Variants in SLC2A13 observed in about 807,000 individuals in gnomAD.
SLC2A13 encodes solute carrier family 2 member 13.
Under a neutral mutation model 64.4 loss-of-function variants are expected in SLC2A13, and 32 were observed. That is an observed-to-expected ratio of 0.50 (90% CI 0.37 to 0.67). The LOEUF is 0.67. Among genes scored for constraint, SLC2A13 ranks in the 30% least tolerant of loss-of-function variants. SLC2A13 has a pLI of 0.00. For synonymous variants in SLC2A13, 338 were observed against 327.1 expected, an observed-to-expected ratio of 1.03 and a Z score of -0.36; for missense variants, 743 against 829.2, an observed-to-expected ratio of 0.90 and a Z score of 1.28.
rs950785584 is a variant in SLC2A13 at position 39,900,163 on chromosome 12, G to T, written c.1035-28202C>A. 1.6e-4 allele frequency among the ~76,000 whole-genome samples: 24 copies of T among 151,758 alleles called. 1 individual carries two copies. The South Asian group carries it at 5.0e-3, about 32-fold the overall frequency. ...CAACCCTTCAGGCTAAAAACTCTCAGTAAATTAGGTATTGATGGGACGTAT... is the reference window on the plus strand; with the variant it reads ...CAACCCTTCAGGCTAAAAACTCTCATTAAATTAGGTATTGATGGGACGTAT... On this transcript the variant is annotated intron_variant, in intron 4 of 9. Coordinates refer to ENST00000280871, the MANE Select transcript of SLC2A13 (RefSeq NM_052885.4).
intron 4 of SLC2A13, among the ~76,000 whole-genome samples, chr12:39,946,488 G>A (rs553819670): frequency 5.9e-5 from 9 of 152,302 alleles, no homozygotes; most frequent in Non-Finnish European, 1.0e-4. Flanking sequence ...AAGTAGGGGC[G>A]AGACTAGGCA....
chr12:40,040,991 T>C (rs1001785687), intron 2 of SLC2A13, among the ~76,000 whole-genome samples: 25 of 152,070 alleles, frequency 1.6e-4, no homozygotes, highest in Non-Finnish European at 2.8e-4. Flanking sequence ...TCTAGCTGTG[T>C]CACCCAGGCT....
intron 6 of SLC2A13, among the ~76,000 whole-genome samples, chr12:39,856,277 C>A (rs1270652967): frequency 6.6e-6 from 1 of 152,192 alleles, no homozygotes; most frequent in Non-Finnish European, 1.5e-5. Context: ...ATCCATCCAT[C>A]CACCCAAACA....
At position 39,809,197 on chromosome 12, in the gene SLC2A13, G is replaced by T. The variant is rs535706747; in HGVS notation, c.1445+20906C>A. On this transcript the variant is annotated intron_variant, in intron 7 of 9. Coordinates refer to ENST00000280871, the MANE Select transcript of SLC2A13 (RefSeq NM_052885.4). ...ATTCTTTCCCCATTGGATTAATTTGGTTTTTTTATTGAAAATCAATTGGCC... is the reference window on the plus strand; with the variant it reads ...ATTCTTTCCCCATTGGATTAATTTGTTTTTTTTATTGAAAATCAATTGGCC... 8.4e-4 allele frequency among the ~76,000 whole-genome samples: 128 copies of T among 152,050 alleles called. 1 individual carries two copies. Among genetic ancestry groups the T allele is most frequent in the African/African-American group, 2.6e-3 (107 of 41,486 alleles).
chr12:40,070,829 AATAAT>A (rs1210039574), intron 1 of SLC2A13, among the ~76,000 whole-genome samples: 1 of 152,190 alleles, frequency 6.6e-6, no homozygotes, highest in Non-Finnish European at 1.5e-5. Flanking sequence ...AACCACATAA[AATAAT>A]AAACTCTGTT....
chr12:40,055,161 A>G (rs1948315672), intron 1 of SLC2A13, among the ~76,000 whole-genome samples: 1 of 152,184 alleles, frequency 6.6e-6, no homozygotes. Flanking sequence ...ACTTTTTTCT[A>G]ATAAGGCTTA....
At chr12:39,812,359 TTTCTTTTC>T (rs1185328774) in intron 7 of SLC2A13, among the ~76,000 whole-genome samples, 1 of 145,676 alleles carries the variant, frequency 6.9e-6, no homozygotes, top group Non-Finnish European at 1.5e-5. Context: ...TTTCTTTTCT[TTTCTTTTC>T]TTTTCTTTTC....
At chr12:39,771,508 T>G (rs1221207566) in intron 7 of SLC2A13, among the ~76,000 whole-genome samples, 2 of 152,094 alleles carry the variant, frequency 1.3e-5, no homozygotes, top group East Asian at 3.9e-4. Flanking sequence ...TGAATTCTGC[T>G]AACAAAAATG....
In SLC2A13 at chr12:39,968,763, TATA is replaced by T. The variant is rs1946581597; in HGVS notation, c.926-17401_926-17399del. On this transcript the variant is annotated intron_variant, in intron 3 of 9. Coordinates refer to ENST00000280871, the MANE Select transcript of SLC2A13 (RefSeq NM_052885.4). ...TTATTTTTGTTGTTTTTTTTTGGTA[TATA>T]TATATATATATATATATATATATAT... Among the ~76,000 whole-genome samples, 59 of 108,842 alleles carry T rather than the reference TATA, an allele frequency of 5.4e-4. 1 individual carries two copies. Among genetic ancestry groups the T allele is most frequent in the African/African-American group, 7.8e-4 (17 of 21,764 alleles). The allele number at this position is 108,842 out of a possible 152,430, so 71.4% of individuals were successfully genotyped here. A position where few individuals can be genotyped will look rare whatever the true frequency, so the allele number is the denominator to read the frequency against.
Position 39,830,670 on chromosome 12 carries a change from T to A in SLC2A13, c.1320-442A>T, listed in dbSNP as rs556300365. On this transcript the variant is annotated intron_variant, in intron 6 of 9. Transcript: ENST00000280871. ...CATCTATTTTAAAAAATGAAAATAG[T>A]TTTTTTTTCTAATACATATCCTGAA... Among the ~76,000 whole-genome samples the A allele has an allele frequency of 8.2e-5, 12 of 147,026 alleles. No individual in the cohort carries two copies. The South Asian group carries it at 2.6e-3, about 32-fold the overall frequency.
intron 6 of SLC2A13, among the ~76,000 whole-genome samples, chr12:39,832,545 C>T (rs1328507181): frequency 6.6e-6 from 1 of 152,016 alleles, no homozygotes; most frequent in Admixed American, 6.6e-5. Context: ...GTGACCCCAA[C>T]TTCCCACTTT....
Position 40,105,560 on chromosome 12 carries a change from C to A in SLC2A13, c.249G>T (p.Val83=), listed in dbSNP as rs769174145. ...CGCCCAGCGCGGAGAAGACGGCCAC[C>A]ACGTACACGAAGGCGGGGGTCTCGT... ...QQDETPAFVY[V]VAVFSALGGF... is the part of the protein sequence containing the mutation. The change falls in exon 1 of 10, where the codon GTG becomes GTT. Residue 83 remains valine, a synonymous_variant. Coordinates refer to ENST00000280871, the MANE Select transcript of SLC2A13 (RefSeq NM_052885.4). This position sits in a 1 kb window ranked among gnomAD's most constrained non-coding sequence, Gnocchi z 4.2. The A allele has an allele frequency of 1.3e-6, 2 of 1,576,664 alleles. No homozygotes were observed. Among genetic ancestry groups the A allele is most frequent in the Non-Finnish European group, 8.6e-7 (1 of 1,164,224 alleles).
At chr12:39,953,885 G>T (rs1202136964) in intron 3 of SLC2A13, among the ~76,000 whole-genome samples, 4 of 152,160 alleles carry the variant, frequency 2.6e-5, no homozygotes, top group Non-Finnish European at 4.4e-5. Context: ...CAGCAGGGAT[G>T]AAAAAGAGTC....
intron 7 of SLC2A13, among the ~76,000 whole-genome samples, chr12:39,788,866 A>C (rs539974150): frequency 1.3e-5 from 2 of 152,166 alleles, no homozygotes; most frequent in African/African-American, 4.8e-5. Context: ...ACTCATCTAC[A>C]TGTAGCCATC....
At chr12:39,846,744 G>A (rs1943325045) in intron 6 of SLC2A13, among the ~76,000 whole-genome samples, 1 of 152,146 alleles carries the variant, frequency 6.6e-6, no homozygotes, top group South Asian at 2.1e-4. Flanking sequence ...GAGCCACAAT[G>A]CCCAGCCTCA....
intron 4 of SLC2A13, among the ~76,000 whole-genome samples, chr12:39,917,311 C>G (rs192315938): frequency 6.6e-6 from 1 of 152,002 alleles, no homozygotes; most frequent in South Asian, 2.1e-4. Flanking sequence ...ATGGCATGTG[C>G]AAAAGCATGC....
intron 3 of SLC2A13, among the ~76,000 whole-genome samples, chr12:40,000,777 T>C (rs1000246855): frequency 1.3e-5 from 2 of 152,190 alleles, no homozygotes; most frequent in Admixed American, 6.5e-5. Flanking sequence ...CATTTAACCT[T>C]AATCATCTCT....
intron 4 of SLC2A13, among the ~76,000 whole-genome samples, chr12:39,878,893 C>T (rs1165239140): frequency 6.6e-6 from 1 of 152,196 alleles, no homozygotes; most frequent in Non-Finnish European, 1.5e-5. Context: ...ACAGGTCTTC[C>T]CATCACAGGC....
At chr12:39,966,115 A>ATG (rs1348491690) in intron 3 of SLC2A13, among the ~76,000 whole-genome samples, 19 of 142,136 alleles carry the variant, frequency 1.3e-4, no homozygotes, top group Admixed American at 8.4e-4. Context: ...GTATGTAGAG[A>ATG]TGTGTGTGTG....
Sources: gnomAD v4.1 joint callset for allele counts (sites outside exome capture counted in the v4.1 genomes callset) on GRCh38, gnomAD v4.1.1 for gene constraint, Gnocchi (gnomAD v3.1) non-coding constraint, MANE v1.5 for transcripts, NCBI Gene and HGNC (gene_info 2026-07-23, HGNC 2026-07-21) for gene names.